The following RTBDN variants were observed in gnomAD, a reference collection of about 807,000 sequenced individuals.
RTBDN encodes retbindin.
A neutral mutation model predicts 21.9 loss-of-function variants in RTBDN; 24 were observed. The ratio of observed to expected loss-of-function variants is 1.10; its 90% CI spans 0.79 to 1.54. The LOEUF is 1.54. Ranked by LOEUF, RTBDN falls within the 40% of genes most tolerant of loss-of-function variation. The pLI, the probability that RTBDN is intolerant of heterozygous loss-of-function variation, is 0.00. For synonymous variants in RTBDN, 141 were observed against 125.9 expected (o/e 1.12, Z -0.80); for missense variants, 325 against 315.2 (o/e 1.03, Z -0.23).
At chr19:12,827,215 G>A (rs922577658) in intron 4 of RTBDN, among the ~76,000 whole-genome samples, 9 of 151,884 alleles carry the variant, frequency 5.9e-5, no homozygotes, top group East Asian at 3.9e-4. Context: ...GTGCAGTGGC[G>A]TAAGCATGGC....
At chr19:12,833,964 C>G (rs1490514332) in intron 1 of RTBDN, 1 of 397,844 alleles carries the variant, frequency 2.5e-6, no homozygotes, top group African/African-American at 2.1e-5. Context: ...CCGCCGCTGC[C>G]GCCATGGACG....
In RTBDN at chr19:12,828,709, G is replaced by A; in HGVS notation, c.313C>T (p.Leu105=). The change falls in exon 4 of 6, where the codon CTA becomes TTA. Residue 105 remains leucine (L), a synonymous_variant. Transcript: ENST00000674343. Reference sequence around the variant, plus strand: ...GGCTGTGCCTGGCGTACCCCCAATAGCCGCAGGCGGAAGCGACTGCGAAGG... The same window carrying A: ...GGCTGTGCCTGGCGTACCCCCAATAACCGCAGGCGGAAGCGACTGCGAAGG... ...RALRSRFRLR[L]LGVRQAQPLC... The A allele has an allele frequency of 1.9e-6, 3 of 1,614,198 alleles. No individual in the cohort carries two copies. Among genetic ancestry groups the A allele is most frequent in the Admixed American group, 1.7e-5 (1 of 60,028 alleles).
At chr19:12,827,304 C>A (rs138551136) in intron 4 of RTBDN, among the ~76,000 whole-genome samples, 1 of 150,756 alleles carries the variant, frequency 6.6e-6, no homozygotes, top group Admixed American at 6.7e-5. Context: ...TAGGTGCGCA[C>A]CATCATGTCC....
intron 2 of RTBDN, among the ~76,000 whole-genome samples, chr19:12,829,346 C>A (rs1002837514): frequency 1.3e-5 from 2 of 152,032 alleles, no homozygotes; most frequent in Non-Finnish European, 2.9e-5. Context: ...GGATTTCAGG[C>A]GCATGCCACC....
chr19:12,831,010 G>A (rs1969551944), intron 1 of RTBDN, among the ~76,000 whole-genome samples: 1 of 119,676 alleles, frequency 8.4e-6, no homozygotes, highest in Admixed American at 9.1e-5. Flanking sequence ...TTTCTTGGTG[G>A]AGTGGTTGTG....
In RTBDN at chr19:12,825,659, C is replaced by T. The variant is rs2145839703; in HGVS notation, c.*47G>A. 1 of 1,091,080 alleles carries T rather than the reference C, an allele frequency of 9.2e-7. No individual in the cohort carries two copies. The highest frequency in any genetic ancestry group is 1.3e-6 in the Non-Finnish European group (1 of 760,948). The allele number at this position is 1,091,080 out of a possible 1,614,324, so 67.6% of individuals were successfully genotyped here. ...GTGGGGTTCTGGGTGTCCTGAGGGG[C>T]GGGGCTGGGGGAAGGGTCGCTCCCC... On this transcript the variant is annotated 3_prime_UTR_variant, in exon 6 of 6. Coordinates refer to ENST00000674343, the MANE Select transcript of RTBDN (RefSeq NM_001270441.2).
intron 4 of RTBDN, among the ~76,000 whole-genome samples, chr19:12,827,203 G>T (rs1359446236): frequency 6.6e-6 from 1 of 152,072 alleles, no homozygotes; most frequent in Non-Finnish European, 1.5e-5. Flanking sequence ...ACTCAAGCTG[G>T]AGTGCAGTGG....
chr19:12,826,156 G>A (rs780789512), intron 5 of RTBDN: 9 of 1,381,240 alleles, frequency 6.5e-6, no homozygotes, highest in Non-Finnish European at 8.4e-6. Context: ...GGCAGTTGGG[G>A]GGCGCGCAGA....
At chr19:12,831,112 G>A (rs1969558000) in intron 1 of RTBDN, among the ~76,000 whole-genome samples, 1 of 151,378 alleles carries the variant, frequency 6.6e-6, no homozygotes, top group Non-Finnish European at 1.5e-5. Context: ...GTTTGCAGTT[G>A]AATAAAACAG....
At chr19:12,831,054 G>GTA (rs1969555979) in intron 1 of RTBDN, among the ~76,000 whole-genome samples, 1 of 146,604 alleles carries the variant, frequency 6.8e-6, no homozygotes, top group South Asian at 2.1e-4. Context: ...GTGTGTGTGT[G>GTA]TGTATACGTT....
At position 12,834,014 on chromosome 19, in the gene RTBDN, G is replaced by A. The variant is rs2145869698; in HGVS notation, c.-19+475C>T. On this transcript the variant is annotated intron_variant, in intron 1 of 5. Transcript: ENST00000674343. This position sits in a 1 kb window ranked among gnomAD's most constrained non-coding sequence, Gnocchi z 4.7. ...CGCCGCCGGAGGCTGCAGGTACGCG[G>A]CTGCCTGGGCCCCGGGTGGAGAGGA... The A allele has an allele frequency of 2.5e-6, 1 of 398,494 alleles. No homozygotes were observed. The highest frequency in any genetic ancestry group is 4.4e-6 in the Non-Finnish European group (1 of 225,882). 24.7% of individuals were successfully genotyped at this position (398,494 alleles called of 1,614,324 possible).
chr19:12,835,229 A>T (rs1969713502), upstream of RTBDN: 2 of 853,002 alleles, frequency 2.3e-6, no homozygotes, highest in Admixed American at 4.2e-5. Context: ...CCGGAGCCAG[A>T]CATGAGTTGG....
upstream of RTBDN, chr19:12,835,188 C>G: frequency 3.9e-6 from 5 of 1,287,216 alleles, no homozygotes; most frequent in Non-Finnish European, 5.6e-6. Flanking sequence ...GATCAGACTG[C>G]AGGAAGGACC....
At position 12,830,502 on chromosome 19, in the gene RTBDN, G is replaced by A; in HGVS notation, c.-18-505C>T. The A allele has an allele frequency of 1.0e-6, 1 of 985,586 alleles. No individual in the cohort carries two copies. 61.1% of individuals were successfully genotyped at this position (985,586 alleles called of 1,614,324 possible). On this transcript the variant is annotated intron_variant, in intron 1 of 5. Transcript: ENST00000674343. The surrounding 1 kb of genome is among the most constrained non-coding windows in gnomAD (Gnocchi z 4.2). ...GGACCTTTGGGACCAAGGCTGGTGTGGCAGGGCTCAGGTTCTGTCACTGGG... is the reference window on the plus strand; with the variant it reads ...GGACCTTTGGGACCAAGGCTGGTGTAGCAGGGCTCAGGTTCTGTCACTGGG...
In RTBDN at chr19:12,834,017, G is replaced by T. The variant is rs953150384; in HGVS notation, c.-19+472C>A. The T allele has an allele frequency of 2.5e-6, 1 of 398,558 alleles. No individual in the cohort carries two copies. Among genetic ancestry groups the T allele is most frequent in the African/African-American group, 2.1e-5 (1 of 48,714 alleles). The allele number at this position is 398,558 out of a possible 1,614,324, so 24.7% of individuals were successfully genotyped here. On this transcript the variant is annotated intron_variant, in intron 1 of 5. Transcript: ENST00000674343. This position sits in a 1 kb window ranked among gnomAD's most constrained non-coding sequence, Gnocchi z 4.7. ...CGCCGGAGGCTGCAGGTACGCGGCT[G>T]CCTGGGCCCCGGGTGGAGAGGAAGG... is the stretch of plus-strand genomic sequence containing the variant.
Position 12,825,494 on chromosome 19 carries a change from C to T in RTBDN, c.*212G>A, listed in dbSNP as rs1411943277. On this transcript the variant is annotated 3_prime_UTR_variant, in exon 6 of 6. Transcript: ENST00000674343. ...CACACTCGTCACGTGCTCTAGCTGGCGACTTTATTCAAAGGGGAGAGGGAA... is the reference window on the plus strand; with the variant it reads ...CACACTCGTCACGTGCTCTAGCTGGTGACTTTATTCAAAGGGGAGAGGGAA... The T allele has an allele frequency of 6.8e-6, 5 of 734,818 alleles. No homozygotes were observed. The highest frequency in any genetic ancestry group is 6.0e-5 in the East Asian group (2 of 33,432). The allele number at this position is 734,818 out of a possible 1,614,324, so 45.5% of individuals were successfully genotyped here.
intron 2 of RTBDN, 145 bp downstream of exon 2, chr19:12,829,666 T>C (rs1354183729): frequency 3.8e-6 from 3 of 780,794 alleles, no homozygotes; most frequent in Non-Finnish European, 2.0e-6. Context: ...AGTCTAATTC[T>C]TATCCACCAT....
chr19:12,828,269 G>A (rs1969400898), intron 4 of RTBDN, among the ~76,000 whole-genome samples: 1 of 151,822 alleles, frequency 6.6e-6, no homozygotes, highest in African/African-American at 2.4e-5. Context: ...GGTGGTGTGC[G>A]CCTGTAACCA....
At chr19:12,826,076 G>A (rs1429634876) in intron 5 of RTBDN, 143 bp from the exon 6 acceptor site, 12 of 1,412,984 alleles carry the variant, frequency 8.5e-6, no homozygotes, top group Non-Finnish European at 9.2e-6. Flanking sequence ...TGTGCGGAAC[G>A]TGAGTGGGGG....
Sources: allele counts gnomAD v4.1 joint callset (sites outside exome capture counted in the v4.1 genomes callset), GRCh38; gene constraint gnomAD v4.1.1; non-coding constraint Gnocchi (gnomAD v3.1); transcripts MANE v1.5; gene names NCBI Gene and HGNC (gene_info 2026-07-23, HGNC 2026-07-21).